FSTL5: variants seen among roughly 807,000 people sequenced by gnomAD.
FSTL5 encodes follistatin like 5.
Under a neutral mutation model 89.1 loss-of-function variants are expected in FSTL5, and 62 were observed. The observed-to-expected ratio is 0.70, with a 90% CI of 0.57 to 0.86. FSTL5 has a LOEUF of 0.86. Among genes scored for constraint, FSTL5 ranks in the 40% least tolerant of loss-of-function variants. FSTL5 has a pLI of 0.00. For synonymous variants in FSTL5, 383 were observed against 346.2 expected (o/e 1.11, Z -1.18); for missense variants, 1,057 against 1,001.6 (o/e 1.06, Z -0.75).
chr4:161,545,805 T>C (rs990516428), intron 8 of FSTL5, among the ~76,000 whole-genome samples: 3 of 151,958 alleles, frequency 2.0e-5, no homozygotes, highest in Non-Finnish European at 2.9e-5. Context: ...GAACCTATTA[T>C]CTTTATAATT....
chr4:162,100,173 T>C (rs1346982671), intron 2 of FSTL5, among the ~76,000 whole-genome samples: 1 of 152,218 alleles, frequency 6.6e-6, no homozygotes, highest in African/African-American at 2.4e-5. Context: ...AACCAAGATG[T>C]TCTTCAGTAG....
chr4:162,089,652 A>G (rs200587069), intron 2 of FSTL5, among the ~76,000 whole-genome samples: 2 of 8,422 alleles, frequency 2.4e-4, no homozygotes, highest in East Asian at 1.2e-3. Context: ...AAAAAAAAAG[A>G]AAAAAAAGAA....
intron 3 of FSTL5, among the ~76,000 whole-genome samples, chr4:162,005,812 A>G (rs899631509): frequency 6.6e-6 from 1 of 152,154 alleles, no homozygotes; most frequent in African/African-American, 2.4e-5. Flanking sequence ...ACGAAGGCAT[A>G]AACAGACTCA....
chr4:162,159,389 T>C (rs1180829820), intron 1 of FSTL5, among the ~76,000 whole-genome samples: 1 of 152,076 alleles, frequency 6.6e-6, no homozygotes, highest in Non-Finnish European at 1.5e-5. Flanking sequence ...TGCTTTGGAA[T>C]TGTTACTTGT....
intron 3 of FSTL5, among the ~76,000 whole-genome samples, chr4:161,962,354 A>G (rs1275368056): frequency 2.0e-5 from 3 of 151,972 alleles, no homozygotes; most frequent in Non-Finnish European, 4.4e-5. Context: ...TTATTTTGAT[A>G]CGAATTGGAA....
At position 161,842,709 on chromosome 4, in the gene FSTL5, C is replaced by T. The variant is rs187446572; in HGVS notation, c.410-66635G>A. Among the ~76,000 whole-genome samples the T allele has an allele frequency of 2.1e-3, 324 of 151,932 alleles. 4 individuals are homozygous for T. The highest frequency in any genetic ancestry group is 0.014 in the South Asian group (69 of 4,812). ...ATTGATTTTTGGCAAATATAAGTGGCTTCTTAATATTATATCATATTTCTG... is the reference window on the plus strand; with the variant it reads ...ATTGATTTTTGGCAAATATAAGTGGTTTCTTAATATTATATCATATTTCTG... On this transcript the variant is annotated intron_variant, in intron 4 of 15. Transcript: ENST00000306100.
chr4:161,911,509 T>C (rs2110830768), intron 4 of FSTL5, among the ~76,000 whole-genome samples: 1 of 151,224 alleles, frequency 6.6e-6, no homozygotes, highest in African/African-American at 2.4e-5. Context: ...TTTCAGGGGG[T>C]CTTTTGGAAA....
At chr4:161,691,882 T>G (rs1737955074) in intron 6 of FSTL5, among the ~76,000 whole-genome samples, 1 of 152,122 alleles carries the variant, frequency 6.6e-6, no homozygotes, top group Non-Finnish European at 1.5e-5. Flanking sequence ...GCATCTATGC[T>G]GATTTTTTTT....
chr4:162,046,974 T>C (rs1738206243), intron 2 of FSTL5, among the ~76,000 whole-genome samples: 1 of 152,128 alleles, frequency 6.6e-6, no homozygotes, highest in African/African-American at 2.4e-5. Context: ...TATCTAGTAA[T>C]ATAAATTTTA....
intron 3 of FSTL5, among the ~76,000 whole-genome samples, chr4:162,018,863 C>T (rs1490338774): frequency 6.6e-6 from 1 of 152,132 alleles, no homozygotes; most frequent in East Asian, 1.9e-4. Flanking sequence ...CTATCTCCAT[C>T]AATTACATGC....
intron 4 of FSTL5, among the ~76,000 whole-genome samples, chr4:161,884,847 G>A (rs1009698598): frequency 6.6e-6 from 1 of 152,122 alleles, no homozygotes; most frequent in Non-Finnish European, 1.5e-5. Flanking sequence ...CTTGCTTTGA[G>A]ATCTCATAGA....
At chr4:161,696,685 C>T (rs780813052) in intron 6 of FSTL5, among the ~76,000 whole-genome samples, 1 of 152,006 alleles carries the variant, frequency 6.6e-6, no homozygotes, top group Non-Finnish European at 1.5e-5. Context: ...AGGTATATTC[C>T]TAAATACTTT....
At chr4:161,863,318 T>C (rs1194176376) in intron 4 of FSTL5, among the ~76,000 whole-genome samples, 1 of 152,224 alleles carries the variant, frequency 6.6e-6, no homozygotes, top group Non-Finnish European at 1.5e-5. Context: ...CTTTTTACTA[T>C]ATACAGTAAA....
intron 6 of FSTL5, among the ~76,000 whole-genome samples, chr4:161,744,699 C>G (rs1740134621): frequency 6.6e-6 from 1 of 152,036 alleles, no homozygotes; most frequent in South Asian, 2.1e-4. Flanking sequence ...AATCATGTCT[C>G]AGCTAAAGTC....
At chr4:161,593,243 T>C (rs2126613860) in intron 7 of FSTL5, among the ~76,000 whole-genome samples, 1 of 152,240 alleles carries the variant, frequency 6.6e-6, no homozygotes, top group East Asian at 1.9e-4. Flanking sequence ...ATTGTGATTT[T>C]TTTAAAAATA....
chr4:161,968,995 C>T (rs1216180506), intron 3 of FSTL5, among the ~76,000 whole-genome samples: 1 of 145,760 alleles, frequency 6.9e-6, no homozygotes, highest in Non-Finnish European at 1.5e-5. Flanking sequence ...ACACACATGC[C>T]CAAGGCCTTG....
chr4:161,755,478 C>A (rs1434572619), intron 6 of FSTL5, among the ~76,000 whole-genome samples: 1 of 152,000 alleles, frequency 6.6e-6, no homozygotes, highest in Non-Finnish European at 1.5e-5. Flanking sequence ...ACCTGGAACT[C>A]AGGAAGTCTG....
chr4:162,154,425 T>A (rs1733387186), intron 1 of FSTL5, among the ~76,000 whole-genome samples: 1 of 152,204 alleles, frequency 6.6e-6, no homozygotes. Flanking sequence ...AAATCTAAAG[T>A]ATATTTCTTG....
At chr4:162,153,960 C>A (rs1020116551) in intron 1 of FSTL5, among the ~76,000 whole-genome samples, 1 of 151,236 alleles carries the variant, frequency 6.6e-6, no homozygotes, top group Non-Finnish European at 1.5e-5. Flanking sequence ...TGCCTGCCAC[C>A]ATGCCCAGCT....
Sources: gnomAD v4.1 joint callset for allele counts (sites outside exome capture counted in the v4.1 genomes callset) on GRCh38, gnomAD v4.1.1 for gene constraint, MANE v1.5 for transcripts, NCBI Gene and HGNC (gene_info 2026-07-23, HGNC 2026-07-21) for gene names.